KIFAP3: variants seen among roughly 807,000 people sequenced by gnomAD.
The protein encoded by KIFAP3 is kinesin associated protein 3.
KIFAP3 carries 68 observed loss-of-function variants against 106.5 expected under a neutral mutation model. The ratio of observed to expected loss-of-function variants is 0.64; its 90% CI spans 0.53 to 0.78. KIFAP3 has a LOEUF of 0.78. Among genes scored for constraint, KIFAP3 ranks in the 30% least tolerant of loss-of-function variants. KIFAP3 has a pLI of 0.00. For missense variants in KIFAP3, 780 were observed against 941.8 expected (o/e 0.83, Z 2.25); for synonymous variants, 320 against 311.5 (o/e 1.03, Z -0.29).
At chr1:169,953,891 AGATT>A in intron 19 of KIFAP3, 116 bp downstream of exon 19, 1 of 714,436 alleles carries the variant, frequency 1.4e-6, no homozygotes, top group South Asian at 1.6e-5. Flanking sequence ...GCCCTTGAAA[AGATT>A]GAGGGTTTTT....
chr1:169,973,845 G>C (rs1346260682), intron 16 of KIFAP3, among the ~76,000 whole-genome samples: 1 of 151,826 alleles, frequency 6.6e-6, no homozygotes, highest in African/African-American at 2.4e-5. Flanking sequence ...GATTATGAAA[G>C]AAAGTCAGCT....
At chr1:170,029,785 G>A (rs1669300647) in intron 8 of KIFAP3, among the ~76,000 whole-genome samples, 1 of 151,918 alleles carries the variant, frequency 6.6e-6, no homozygotes, top group Admixed American at 6.6e-5. Context: ...ACACACAAAA[G>A]TGATGGATAG....
intron 1 of KIFAP3, among the ~76,000 whole-genome samples, chr1:170,060,612 TC>T: frequency 6.6e-6 from 1 of 152,014 alleles, no homozygotes; most frequent in East Asian, 1.9e-4. Context: ...TTCAATGACA[TC>T]CCCATCAAGC....
At chr1:170,028,301 T>C (rs1240471829) in intron 8 of KIFAP3, among the ~76,000 whole-genome samples, 1 of 152,096 alleles carries the variant, frequency 6.6e-6, no homozygotes, top group African/African-American at 2.4e-5. Context: ...ATTATGTATA[T>C]AAAATGATAA....
At position 169,961,030 on chromosome 1, in the gene KIFAP3, T is replaced by A; in HGVS notation, c.2173+16A>T. ...ATAGCATATAATAAACTGTTTACTTTCGCTTTGGTTATCACCTGAGTTGTA... is the reference window on the plus strand; with the variant it reads ...ATAGCATATAATAAACTGTTTACTTACGCTTTGGTTATCACCTGAGTTGTA... On this transcript the variant is annotated intron_variant, in intron 18 of 19. Transcript: ENST00000361580. 6.2e-7 allele frequency: 1 copy of A among 1,604,934 alleles called. No homozygotes were observed. The highest frequency in any genetic ancestry group is 8.5e-7 in the Non-Finnish European group (1 of 1,175,018).
At chr1:170,081,166 T>C (rs1672014451) in intron 1 of KIFAP3, among the ~76,000 whole-genome samples, 1 of 152,132 alleles carries the variant, frequency 6.6e-6, no homozygotes, top group African/African-American at 2.4e-5. Context: ...AATAATTGTA[T>C]TCATGATATA....
chr1:170,071,780 G>C (rs936768247), intron 1 of KIFAP3, among the ~76,000 whole-genome samples: 1 of 152,146 alleles, frequency 6.6e-6, no homozygotes, highest in Non-Finnish European at 1.5e-5. Flanking sequence ...CCACAATGGG[G>C]GACCAAGTTT....
intron 18 of KIFAP3, among the ~76,000 whole-genome samples, chr1:169,959,189 A>T (rs1171699122): frequency 6.6e-6 from 1 of 152,194 alleles, no homozygotes; most frequent in Non-Finnish European, 1.5e-5. Context: ...GCAGGAGTAC[A>T]AATTTATCTG....
intron 11 of KIFAP3, 22 bp downstream of exon 11, chr1:169,992,133 A>G (rs376764196): frequency 6.6e-6 from 8 of 1,209,748 alleles, no homozygotes; most frequent in African/African-American, 1.6e-5. Flanking sequence ...AATGTTTTTC[A>G]TAAAACACTT....
chr1:169,977,363 G>T (rs1241290972), intron 16 of KIFAP3, among the ~76,000 whole-genome samples: 1 of 152,050 alleles, frequency 6.6e-6, no homozygotes, highest in Non-Finnish European at 1.5e-5. Flanking sequence ...TAAACTACCA[G>T]GTACTAAGTA....
rs1035618507 is a variant in KIFAP3 at position 169,921,903 on chromosome 1, G to A, written c.2274-122C>T. 3 of 638,070 alleles carry A rather than the reference G, an allele frequency of 4.7e-6. No individual in the cohort carries two copies. In the African/African-American group the frequency reaches 8.0e-5, roughly 17 times the overall value. The allele number at this position is 638,070 out of a possible 1,614,324, so 39.5% of individuals were successfully genotyped here. On this transcript the variant is annotated intron_variant, in intron 19 of 19. Transcript: ENST00000361580. Reference sequence around the variant, plus strand: ...TCCTAGCAGGGATAGTGATTTAGGTGGATATCATTAACTTTTTTTTTTAAG... The same window carrying A: ...TCCTAGCAGGGATAGTGATTTAGGTAGATATCATTAACTTTTTTTTTTAAG...
At chr1:170,070,160 A>G (rs950477824) in intron 1 of KIFAP3, among the ~76,000 whole-genome samples, 1 of 152,146 alleles carries the variant, frequency 6.6e-6, no homozygotes, top group African/African-American at 2.4e-5. Context: ...AATTAATATG[A>G]ACTAAATGAA....
At chr1:170,067,868 G>C (rs1168373456) in intron 1 of KIFAP3, 1 of 152,196 alleles carries the variant, frequency 6.6e-6, no homozygotes, top group Non-Finnish European at 1.5e-5. Flanking sequence ...TAGATGCTTT[G>C]AAAAGCTATT....
In KIFAP3 at chr1:170,022,237, T is replaced by C. The variant is rs563812754; in HGVS notation, c.1020+2181A>G. On this transcript the variant is annotated intron_variant, in intron 9 of 19. Coordinates refer to ENST00000361580, the MANE Select transcript of KIFAP3 (RefSeq NM_014970.4). ...GTTCTGGGATTACAGGCATTAGTCA[T>C]CCTGCCCAGCCCTCCTCAAGTCTAT... Among the ~76,000 whole-genome samples the C allele has an allele frequency of 7.2e-5, 11 of 152,102 alleles. No individual in the cohort carries two copies. The East Asian group carries it at 2.1e-3, about 29-fold the overall frequency.
chr1:170,065,335 C>T (rs12118080), intron 1 of KIFAP3, among the ~76,000 whole-genome samples: 9,755 of 151,856 alleles, frequency 0.064, 393 homozygotes, highest in Non-Finnish European at 0.095. Flanking sequence ...TATTGGTGGC[C>T]GGGCGCAGTG....
Position 169,968,425 on chromosome 1 carries a change from A to G in KIFAP3, c.1983+4088T>C, listed in dbSNP as rs1169949044. Among the ~76,000 whole-genome samples the G allele has an allele frequency of 3.3e-5, 5 of 151,918 alleles. No homozygotes were observed. In the South Asian group the frequency reaches 6.2e-4, roughly 19 times the overall value. The stretch of plus-strand genomic sequence containing the variant: ...ACATAGATCTGCTTTGTGTTCTAAC[A>G]TAACTGATGGAAAACAGATTTTCCT... On this transcript the variant is annotated intron_variant, in intron 17 of 19. Transcript: ENST00000361580.
intron 17 of KIFAP3, among the ~76,000 whole-genome samples, chr1:169,969,403 G>T (rs1233886499): frequency 6.6e-6 from 1 of 152,012 alleles, no homozygotes; most frequent in Non-Finnish European, 1.5e-5. Context: ...ATAACAACGG[G>T]TGATGTAGAA....
At chr1:169,961,938 T>C (rs1002543831) in intron 17 of KIFAP3, among the ~76,000 whole-genome samples, 1 of 152,126 alleles carries the variant, frequency 6.6e-6, no homozygotes, top group African/African-American at 2.4e-5. Context: ...AAGTTATACA[T>C]GGATTTTCAA....
chr1:169,987,519 C>T (rs115099320), intron 11 of KIFAP3, among the ~76,000 whole-genome samples: 3,039 of 152,138 alleles, frequency 0.02, 57 homozygotes, highest in Middle Eastern at 0.065. Context: ...TGCATGCCTC[C>T]GGAATCTCTT....
Sources: gnomAD v4.1 joint callset for allele counts (sites outside exome capture counted in the v4.1 genomes callset) on GRCh38, gnomAD v4.1.1 for gene constraint, MANE v1.5 for transcripts, NCBI Gene and HGNC (gene_info 2026-07-23, HGNC 2026-07-21) for gene names.